The following MAP3K7 variants were observed in gnomAD, a reference collection of about 807,000 sequenced individuals.
MAP3K7 encodes TGF-beta activated kinase 1.
Under a neutral mutation model 84.8 loss-of-function variants are expected in MAP3K7, and 21 were observed. That is an observed-to-expected ratio of 0.25 (90% confidence interval 0.18 to 0.36). The LOEUF (loss-of-function observed/expected upper bound fraction) is 0.36, where lower values mean the gene tolerates loss of function less well. MAP3K7 is among the 10% of genes least tolerant of loss of function. MAP3K7 has a pLI of 1.00. For missense variants in MAP3K7, 503 were observed against 747.7 expected (o/e 0.67, Z 3.82); for synonymous variants, 241 against 247.7 (o/e 0.97, Z 0.25).
chr6:90,552,030 C>G lies in MAP3K7; in HGVS notation c.867+19G>C. 2 of 1,586,548 alleles carry G rather than the reference C, an allele frequency of 1.3e-6. No individual in the cohort carries two copies. Among genetic ancestry groups the G allele is most frequent in the Non-Finnish European group, 1.7e-6 (2 of 1,159,004 alleles). ...TTAAATTCCCCTAAATCCAAAGCCC[C>G]TCAAAAGAAGGATTATACCCGCATC... On this transcript the variant is annotated intron_variant, in intron 8 of 16. Coordinates refer to ENST00000369329, the MANE Select transcript of MAP3K7 (RefSeq NM_145331.3).
At chr6:90,566,071 A>G (rs1458610870) in intron 3 of MAP3K7, among the ~76,000 whole-genome samples, 1 of 152,208 alleles carries the variant, frequency 6.6e-6, no homozygotes, top group Non-Finnish European at 1.5e-5. Flanking sequence ...TCTCAAAATA[A>G]TAAGAGCTAT....
chr6:90,553,424 A>C lies in MAP3K7; in HGVS notation c.736+34T>G, dbSNP rs9451444. ...GTAGTCTTCCAAGTAGAAAACACAA[A>C]AAGTACTTTTAAGAAAAATTTCTTT... On this transcript the variant is annotated intron_variant, in intron 7 of 16. Coordinates refer to ENST00000369329, the MANE Select transcript of MAP3K7 (RefSeq NM_145331.3). 4.4e-4 allele frequency: 704 copies of C among 1,598,990 alleles called. 4 individuals carry two copies. The African/African-American group carries it at 8.1e-3, about 18-fold the overall frequency.
In MAP3K7 at chr6:90,547,359, G is replaced by A; in HGVS notation, c.1109C>T (p.Ala370Val). ...QSESGRLSLG[A>V]SRGSSVESLP... ...GCTCTCCACACTGCTCCCACGGGAG[G>A]CTCCCAAGCTTAAACGTCCAGATTC... Residue 370 changes from alanine to valine, a missense_variant, in exon 11 of 17, where the codon GCC (alanine) becomes GTC (valine). This residue lies in a region of MAP3K7 where 286 missense variants were observed against 313.6 expected (regional missense o/e 0.91). Transcript: ENST00000369329. The A allele has an allele frequency of 6.2e-7, 1 of 1,611,596 alleles. No homozygotes were observed. The highest frequency in any genetic ancestry group is 8.5e-7 in the Non-Finnish European group (1 of 1,179,142).
chr6:90,559,190 A>G (rs1035722214), intron 5 of MAP3K7, among the ~76,000 whole-genome samples: 1 of 152,230 alleles, frequency 6.6e-6, no homozygotes, highest in Non-Finnish European at 1.5e-5. Flanking sequence ...GATAAGATAC[A>G]TAGCAAGAAC....
chr6:90,554,769 A>G (rs934046544), intron 6 of MAP3K7, among the ~76,000 whole-genome samples: 5 of 152,252 alleles, frequency 3.3e-5, no homozygotes, highest in African/African-American at 9.6e-5. Flanking sequence ...GGTATATTAA[A>G]TAAGTAAATA....
intron 13 of MAP3K7, among the ~76,000 whole-genome samples, chr6:90,525,243 C>T (rs1775282668): frequency 6.6e-6 from 1 of 151,990 alleles, no homozygotes; most frequent in Non-Finnish European, 1.5e-5. Flanking sequence ...AATAAGGTAC[C>T]TATATTAATA....
chr6:90,524,487 A>C (rs157708), intron 13 of MAP3K7, among the ~76,000 whole-genome samples: 103,156 of 151,968 alleles, frequency 0.68, 35,397 homozygotes, highest in Middle Eastern at 0.75. Flanking sequence ...GAGACAGAAA[A>C]AGCAGCCAGA....
At chr6:90,571,099 A>G (rs1776884442) in intron 2 of MAP3K7, among the ~76,000 whole-genome samples, 2 of 152,198 alleles carry the variant, frequency 1.3e-5, no homozygotes, top group South Asian at 2.1e-4. Flanking sequence ...CCATTGGCCA[A>G]TGAGGTTTAA....
intron 6 of MAP3K7, among the ~76,000 whole-genome samples, chr6:90,555,332 T>C (rs1027117912): frequency 1.3e-5 from 2 of 152,066 alleles, no homozygotes; most frequent in Non-Finnish European, 2.9e-5. Context: ...CTCGGCTCAC[T>C]GCATGCTCCG....
At chr6:90,582,613 CAG>C (rs1777311614) in intron 1 of MAP3K7, among the ~76,000 whole-genome samples, 1 of 152,098 alleles carries the variant, frequency 6.6e-6, no homozygotes, top group African/African-American at 2.4e-5. Context: ...GCGCTTTAGG[CAG>C]AGGAACAACT....
chr6:90,544,488 C>A, intron 12 of MAP3K7, 64 bp downstream of exon 12: 2 of 1,419,718 alleles, frequency 1.4e-6, no homozygotes, highest in Non-Finnish European at 2.0e-6. Context: ...AAGCATTTTA[C>A]AAGTACCAGG....
At chr6:90,577,991 A>C (rs1777142727) in intron 1 of MAP3K7, among the ~76,000 whole-genome samples, 1 of 152,204 alleles carries the variant, frequency 6.6e-6, no homozygotes, top group African/African-American at 2.4e-5. Context: ...CCCATATGTC[A>C]TCTTGGGCAG....
chr6:90,541,041 A>G (rs1775840065), intron 12 of MAP3K7, among the ~76,000 whole-genome samples: 1 of 151,894 alleles, frequency 6.6e-6, no homozygotes, highest in Admixed American at 6.6e-5. Flanking sequence ...AAATATGGGA[A>G]AAAGTAAAGA....
At chr6:90,525,746 T>A (rs1304793509) in intron 13 of MAP3K7, among the ~76,000 whole-genome samples, 1 of 151,830 alleles carries the variant, frequency 6.6e-6, no homozygotes, top group African/African-American at 2.4e-5. Flanking sequence ...TTTAAAATAT[T>A]TTGTAGAGCC....
At chr6:90,573,427 A>G (rs535748898) in intron 1 of MAP3K7, among the ~76,000 whole-genome samples, 1 of 151,874 alleles carries the variant, frequency 6.6e-6, no homozygotes, top group African/African-American at 2.4e-5. Flanking sequence ...AATAATAATA[A>G]TATTAGGACA....
intron 1 of MAP3K7, among the ~76,000 whole-genome samples, chr6:90,577,032 A>G (rs2127783348): frequency 6.6e-6 from 1 of 152,342 alleles, no homozygotes; most frequent in Non-Finnish European, 1.5e-5. Flanking sequence ...TAAAGAAAGG[A>G]TTGTAGGGAA....
Position 90,523,670 on chromosome 6 carries a change from C to T in MAP3K7, c.1462+8G>A, listed in dbSNP as rs1047378891. 2.4e-5 allele frequency: 38 copies of T among 1,589,134 alleles called. 1 individual carries two copies. The Middle Eastern group carries it at 3.3e-3, about 139-fold the overall frequency. On this transcript the variant is annotated splice_region_variant and intron_variant, in intron 14 of 16. Coordinates refer to ENST00000369329, the MANE Select transcript of MAP3K7 (RefSeq NM_145331.3). ...AACTTCATAAGTATGAAGAAACAGACTGGTCACCTGTGGAATCATCAGGGG... is the reference window on the plus strand; with the variant it reads ...AACTTCATAAGTATGAAGAAACAGATTGGTCACCTGTGGAATCATCAGGGG...
chr6:90,561,161 T>A (rs1006130453), intron 4 of MAP3K7, among the ~76,000 whole-genome samples: 2 of 152,086 alleles, frequency 1.3e-5, no homozygotes, highest in Admixed American at 1.3e-4. Context: ...AACTCTGTTC[T>A]CCAATGTAAC....
chr6:90,558,649 G>C (rs1279547361), intron 5 of MAP3K7, among the ~76,000 whole-genome samples: 1 of 152,142 alleles, frequency 6.6e-6, no homozygotes, highest in Non-Finnish European at 1.5e-5. Context: ...GTCTAACTAG[G>C]TTGATTAAAT....
Sources: gnomAD v4.1 joint callset for allele counts (sites outside exome capture counted in the v4.1 genomes callset) on GRCh38, gnomAD v4.1.1 for gene constraint, gnomAD v4.1.1 regional missense constraint, MANE v1.5 for transcripts, NCBI Gene and HGNC (gene_info 2026-07-23, HGNC 2026-07-21) for gene names.